The following EGFR variants were observed in gnomAD, a reference collection of about 807,000 sequenced individuals.
EGFR encodes avian erythroblastic leukemia viral (v-erb-b) oncogene homolog.
In EGFR, 58 loss-of-function variants were observed where a neutral mutation model predicts 143.0. That is an observed-to-expected ratio of 0.41 (90% CI 0.33 to 0.50). The LOEUF (loss-of-function observed/expected upper bound fraction) is 0.50, where lower values mean the gene tolerates loss of function less well. Ranked by LOEUF, EGFR falls within the 20% of genes least tolerant of loss-of-function variation. The pLI, the probability that EGFR is intolerant of heterozygous loss-of-function variation, is 0.39. For synonymous variants in EGFR, 613 were observed against 594.4 expected (o/e 1.03, Z -0.45); for missense variants, 1,307 against 1,579.0 (o/e 0.83, Z 2.92).
At chr7:55,080,463 G>T (rs1790399002) in intron 1 of EGFR, among the ~76,000 whole-genome samples, 1 of 152,036 alleles carries the variant, frequency 6.6e-6, no homozygotes, top group African/African-American at 2.4e-5. Flanking sequence ...AACATTGCAT[G>T]ATCTCACTCC....
chr7:55,050,259 C>A (rs1298616512), intron 1 of EGFR, among the ~76,000 whole-genome samples: 1 of 152,148 alleles, frequency 6.6e-6, no homozygotes, highest in African/African-American at 2.4e-5. Context: ...CCTCCGTTCC[C>A]CCAGCCCCTG....
intron 11 of EGFR, among the ~76,000 whole-genome samples, chr7:55,158,435 G>A (rs557377862): frequency 1.3e-5 from 2 of 152,328 alleles, no homozygotes; most frequent in African/African-American, 4.8e-5. Context: ...CAACATTAAA[G>A]AGAATAAGAG....
intron 1 of EGFR, among the ~76,000 whole-genome samples, chr7:55,062,131 ATGTC>A (rs1789220465): frequency 6.6e-6 from 1 of 152,178 alleles, no homozygotes. Context: ...GAAACAAGAG[ATGTC>A]CAAGGCTAGA....
chr7:55,165,369 C>T lies in EGFR; in HGVS notation c.1812C>T (p.Asn604=), dbSNP rs773064203. The change falls in exon 15 of 28, where the codon AAC becomes AAT. Residue 604 remains asparagine, a synonymous_variant. Coordinates refer to ENST00000275493, the MANE Select transcript of EGFR (RefSeq NM_005228.5). ...TCPAGVMGEN[N]TLVWKYADAG... is the part of the protein sequence containing the mutation. ...CGGCAGGAGTCATGGGAGAAAACAACACCCTGGTCTGGAAGTACGCAGACG... is the reference window on the plus strand; with the variant it reads ...CGGCAGGAGTCATGGGAGAAAACAATACCCTGGTCTGGAAGTACGCAGACG... 1.8e-5 allele frequency: 29 copies of T among 1,614,110 alleles called. No homozygotes were observed. In the Admixed American group the frequency reaches 4.5e-4, roughly 25 times the overall value.
intron 1 of EGFR, among the ~76,000 whole-genome samples, chr7:55,041,109 A>G (rs1238755595): frequency 6.6e-6 from 1 of 152,230 alleles, no homozygotes; most frequent in Non-Finnish European, 1.5e-5. Flanking sequence ...GTCAGTGATG[A>G]TGGATAGAAA....
chr7:55,172,714 A>G (rs1786406646), intron 16 of EGFR: 1 of 727,180 alleles, frequency 1.4e-6, no homozygotes, highest in Non-Finnish European at 2.2e-6. Flanking sequence ...ATTGAAAAAT[A>G]CTCATTATAT....
At chr7:55,031,365 A>G (rs1263678619) in intron 1 of EGFR, among the ~76,000 whole-genome samples, 1 of 152,248 alleles carries the variant, frequency 6.6e-6, no homozygotes, top group Non-Finnish European at 1.5e-5. Context: ...TTCAGTCAAC[A>G]AAAATCTACC....
chr7:55,201,958 T>C (rs1174468002), intron 26 of EGFR, among the ~76,000 whole-genome samples, 176 bp downstream of exon 26: 1 of 142,642 alleles, frequency 7.0e-6, no homozygotes, highest in African/African-American at 2.7e-5. Context: ...GCGTGACTCC[T>C]GGACCAGTAG....
intron 15 of EGFR, among the ~76,000 whole-genome samples, chr7:55,169,445 G>T (rs1286993530): frequency 1.3e-5 from 2 of 152,100 alleles, no homozygotes; most frequent in Non-Finnish European, 2.9e-5. Flanking sequence ...TACACGGTGA[G>T]GAGAAAGTTG....
intron 1 of EGFR, among the ~76,000 whole-genome samples, chr7:55,049,863 T>C (rs1373450045): frequency 1.3e-5 from 2 of 152,168 alleles, no homozygotes; most frequent in African/African-American, 4.8e-5. Flanking sequence ...CTGAGAATCA[T>C]CTTTAAGTTC....
intron 1 of EGFR, among the ~76,000 whole-genome samples, chr7:55,021,357 C>T (rs1583843299): frequency 1.3e-5 from 2 of 152,230 alleles, no homozygotes; most frequent in Non-Finnish European, 2.9e-5. Context: ...TTAAATTAAA[C>T]CCTCAGAGCA....
In EGFR at chr7:55,097,967, G is replaced by A. The variant is rs185626586; in HGVS notation, c.89-44319G>A. Among the ~76,000 whole-genome samples the A allele has an allele frequency of 6.8e-4, 104 of 152,288 alleles. 1 individual carries two copies. The highest frequency in any genetic ancestry group is 2.2e-3 in the African/African-American group (93 of 41,562). ...CCTTATTTTTCCTACTTAGAAAAGTGTAGATGGTTTTATCATAGGAAGTTC... is the reference window on the plus strand; with the variant it reads ...CCTTATTTTTCCTACTTAGAAAAGTATAGATGGTTTTATCATAGGAAGTTC... On this transcript the variant is annotated intron_variant, in intron 1 of 27. Coordinates refer to ENST00000275493, the MANE Select transcript of EGFR (RefSeq NM_005228.5).
At chr7:55,200,932 T>C (rs886269486) in intron 24 of EGFR, 119 of 564,716 alleles carry the variant, frequency 2.1e-4, no homozygotes, top group Non-Finnish European at 6.3e-5. Flanking sequence ...TTCTTCCCTT[T>C]CTGTTTCCTC....
In EGFR at chr7:55,192,812, A is replaced by G. The variant is rs987884612; in HGVS notation, c.2672A>G (p.Tyr891Cys). The G allele has an allele frequency of 2.5e-6, 4 of 1,614,216 alleles. No individual in the cohort carries two copies. Among genetic ancestry groups the G allele is most frequent in the African/African-American group, 2.7e-5 (2 of 75,048 alleles). ...TTGGAATCAATTTTACACAGAATCT[A>G]TACCCACCAGAGTGATGTCTGGAGC... ...MALESILHRIYTHQSDVWSYG... is the reference protein window; with the variant it reads ...MALESILHRICTHQSDVWSYG... The change falls in exon 22 of 28, where the codon TAT becomes TGT. Residue 891 changes from tyrosine to cysteine, a missense_variant. Around this residue, in one of 7 missense-constraint regions of EGFR, gnomAD observed 348 missense variants for 451.5 expected, o/e 0.77. Transcript: ENST00000275493.
At chr7:55,062,363 C>T (rs189996173) in intron 1 of EGFR, among the ~76,000 whole-genome samples, 5 of 152,274 alleles carry the variant, frequency 3.3e-5, no homozygotes, top group Non-Finnish European at 5.9e-5. Context: ...TAGAGTAACA[C>T]GTGAGCACTG....
intron 1 of EGFR, among the ~76,000 whole-genome samples, chr7:55,060,513 C>G (rs754779728): frequency 6.6e-6 from 1 of 152,104 alleles, no homozygotes; most frequent in Non-Finnish European, 1.5e-5. Flanking sequence ...TTTTTCCTAG[C>G]ATCTTTTCCT....
chr7:55,204,659 CCA>C (rs1443848244), intron 27 of EGFR, among the ~76,000 whole-genome samples: 61 of 133,816 alleles, frequency 4.6e-4, no homozygotes, highest in African/African-American at 1.6e-3. Context: ...CATACACACA[CCA>C]CACACACGTA....
intron 1 of EGFR, among the ~76,000 whole-genome samples, chr7:55,062,755 C>T (rs1284553330): frequency 1.3e-5 from 2 of 151,966 alleles, no homozygotes; most frequent in East Asian, 1.9e-4. Flanking sequence ...ATATCAGAAA[C>T]GGACTTGTGG....
At chr7:55,125,354 G>GA (rs1484980309) in intron 1 of EGFR, among the ~76,000 whole-genome samples, 7 of 152,288 alleles carry the variant, frequency 4.6e-5, no homozygotes, top group South Asian at 2.1e-4. Flanking sequence ...AAAATTATAA[G>GA]AAAAAATCAT....
Sources: allele counts gnomAD v4.1 joint callset (sites outside exome capture counted in the v4.1 genomes callset), GRCh38; gene constraint gnomAD v4.1.1; regional missense constraint gnomAD v4.1.1; transcripts MANE v1.5; gene names NCBI Gene and HGNC (gene_info 2026-07-23, HGNC 2026-07-21).